Variants in CNTN1 observed in about 807,000 individuals in gnomAD.
CNTN1 encodes contactin-1.
Under a neutral mutation model 126.4 loss-of-function variants are expected in CNTN1, and 38 were observed. That is an observed-to-expected ratio of 0.30 (90% confidence interval 0.23 to 0.39). The LOEUF (loss-of-function observed/expected upper bound fraction) is 0.39. CNTN1 is among the 10% of genes least tolerant of loss of function. The pLI, the probability that CNTN1 is intolerant of heterozygous loss-of-function variation, is 1.00. For missense variants in CNTN1, 1,009 were observed against 1,248.4 expected (o/e 0.81, Z 2.89); for synonymous variants, 413 against 422.6 (o/e 0.98, Z 0.28).
At chr12:41,030,623 C>A (rs142875601) in intron 23 of CNTN1, among the ~76,000 whole-genome samples, 1 of 152,020 alleles carries the variant, frequency 6.6e-6, no homozygotes, top group African/African-American at 2.4e-5. Context: ...AACAAATATG[C>A]AAACTCATTA....
At chr12:40,927,032 G>A (rs80348229) in intron 6 of CNTN1, among the ~76,000 whole-genome samples, 2,171 of 151,942 alleles carry the variant, frequency 0.014, 54 homozygotes, top group African/African-American at 0.049. Context: ...TGTAGATGTC[G>A]GGGGTGATGG....
At chr12:41,044,840 T>C (rs1049498010) in intron 23 of CNTN1, among the ~76,000 whole-genome samples, 1 of 152,094 alleles carries the variant, frequency 6.6e-6, no homozygotes, top group East Asian at 1.9e-4. Context: ...ATTTCATTTT[T>C]CTGAGTATTG....
intron 4 of CNTN1, among the ~76,000 whole-genome samples, chr12:40,921,942 C>A (rs1017859319): frequency 2.6e-5 from 4 of 152,056 alleles, no homozygotes; most frequent in South Asian, 2.1e-4. Context: ...GCATAGATGG[C>A]TATCAATTAC....
Position 40,750,995 on chromosome 12 carries a change from T to G in CNTN1, c.-77+58403T>G, listed in dbSNP as rs150953414. On this transcript the variant is annotated intron_variant, in intron 1 of 23. Transcript: ENST00000551295. ...TGAAGAATTTCATTATTTGTTTAAA[T>G]AATGGAAGAGGAGCCAGCACAGGAG... Among the ~76,000 whole-genome samples, 16 of 152,066 alleles carry G rather than the reference T, an allele frequency of 1.1e-4. No homozygotes were observed. In the East Asian group the frequency reaches 3.1e-3, roughly 29 times the overall value.
intron 1 of CNTN1, among the ~76,000 whole-genome samples, chr12:40,778,712 C>A (rs1180539503): frequency 2.0e-5 from 3 of 151,650 alleles, no homozygotes; most frequent in Non-Finnish European, 3.0e-5. Context: ...TAAGACAAAG[C>A]AACTTGTTCA....
intron 1 of CNTN1, among the ~76,000 whole-genome samples, chr12:40,808,547 GTATT>G: frequency 6.6e-6 from 1 of 151,740 alleles, no homozygotes; most frequent in African/African-American, 2.4e-5. Context: ...ATGATTTAGA[GTATT>G]TAGCATTTTA....
At chr12:41,013,843 G>C (rs1302849661) in intron 17 of CNTN1, among the ~76,000 whole-genome samples, 1 of 152,102 alleles carries the variant, frequency 6.6e-6, no homozygotes, top group African/African-American at 2.4e-5. Flanking sequence ...ACAAATGCAT[G>C]GTTTCTTAAC....
chr12:40,836,090 G>GTA (rs1221227308), intron 1 of CNTN1, among the ~76,000 whole-genome samples: 3 of 104,624 alleles, frequency 2.9e-5, no homozygotes, highest in East Asian at 2.3e-4. Flanking sequence ...ACATATACAG[G>GTA]TATATATATA....
chr12:41,032,220 G>T (rs755485351), intron 23 of CNTN1, among the ~76,000 whole-genome samples: 34 of 152,038 alleles, frequency 2.2e-4, no homozygotes, highest in East Asian at 3.9e-4. Flanking sequence ...AGACAGGGGG[G>T]TTTTTTAAAA....
chr12:40,751,225 G>A (rs1466551921), intron 1 of CNTN1, among the ~76,000 whole-genome samples: 1 of 152,052 alleles, frequency 6.6e-6, no homozygotes, highest in Non-Finnish European at 1.5e-5. Flanking sequence ...AATTACAATA[G>A]TGTTGGCTGC....
chr12:40,930,182 T>C (rs1945835227), intron 7 of CNTN1, among the ~76,000 whole-genome samples, 180 bp downstream of exon 7: 1 of 151,998 alleles, frequency 6.6e-6, no homozygotes, highest in Non-Finnish European at 1.5e-5. Flanking sequence ...TGAGAAGATT[T>C]AGCTAATAAA....
intron 1 of CNTN1, among the ~76,000 whole-genome samples, chr12:40,781,198 G>C (rs762531098): frequency 3.3e-5 from 5 of 151,978 alleles, no homozygotes; most frequent in African/African-American, 9.7e-5. Flanking sequence ...TGCACAGATA[G>C]GTAAAGTGCT....
At chr12:40,827,775 A>G (rs778820416) in intron 1 of CNTN1, among the ~76,000 whole-genome samples, 6 of 151,686 alleles carry the variant, frequency 4.0e-5, no homozygotes, top group East Asian at 1.9e-4. Flanking sequence ...AAATAAACCA[A>G]TCGTGGAGCT....
At chr12:40,953,408 G>A (rs1029849732) in intron 14 of CNTN1, among the ~76,000 whole-genome samples, 6 of 152,094 alleles carry the variant, frequency 3.9e-5, no homozygotes. Flanking sequence ...GCCAACCACT[G>A]AGGACCTCAA....
chr12:40,806,339 G>C (rs1940853841), intron 1 of CNTN1, among the ~76,000 whole-genome samples: 1 of 152,134 alleles, frequency 6.6e-6, no homozygotes, highest in African/African-American at 2.4e-5. Context: ...CCTAGATCCA[G>C]TCCTCCCCCA....
chr12:40,877,121 G>A lies in CNTN1; in HGVS notation c.-76-31236G>A, dbSNP rs1044339911. On this transcript the variant is annotated intron_variant, in intron 1 of 23. Coordinates refer to ENST00000551295, the MANE Select transcript of CNTN1 (RefSeq NM_001843.4). ...GAACAAGTTGGCATATTTTCCCTTC[G>A]ACAACTGTCACCATCTGACAATTTG... Among the ~76,000 whole-genome samples, 14 of 152,030 alleles carry A rather than the reference G, an allele frequency of 9.2e-5. No homozygotes were observed. In the East Asian group the frequency reaches 1.3e-3, roughly 15 times the overall value.
rs1431473097 is a variant in CNTN1 at position 40,805,288 on chromosome 12, G to A, written c.-76-103069G>A. Among the ~76,000 whole-genome samples the A allele has an allele frequency of 5.9e-5, 9 of 151,738 alleles. No individual in the cohort carries two copies. The East Asian group carries it at 9.7e-4, about 16-fold the overall frequency. ...CCTCTTTTCTTCTGGACTTTTGCAC[G>A]ACTGATATTTACCATCTGATATTGT... On this transcript the variant is annotated intron_variant, in intron 1 of 23. Coordinates refer to ENST00000551295, the MANE Select transcript of CNTN1 (RefSeq NM_001843.4).
intron 23 of CNTN1, among the ~76,000 whole-genome samples, chr12:41,057,649 G>A (rs1192862077): frequency 3.9e-5 from 6 of 152,016 alleles, no homozygotes; most frequent in Non-Finnish European, 1.5e-5. Context: ...TGGAATGGAA[G>A]ATTAAGAAAT....
intron 1 of CNTN1, among the ~76,000 whole-genome samples, chr12:40,840,555 C>T (rs1362332675): frequency 6.6e-6 from 1 of 151,964 alleles, no homozygotes; most frequent in Non-Finnish European, 1.5e-5. Context: ...CTATCATAAG[C>T]ATGTGGAAAA....
Sources: allele counts gnomAD v4.1 joint callset (sites outside exome capture counted in the v4.1 genomes callset), GRCh38; gene constraint gnomAD v4.1.1; transcripts MANE v1.5; gene names NCBI Gene and HGNC (gene_info 2026-07-23, HGNC 2026-07-21).